Variants in MEGF11 observed in about 807,000 individuals in gnomAD.
MEGF11 encodes multiple epidermal growth factor-like domains protein 11.
A neutral mutation model predicts 146.6 loss-of-function variants in MEGF11; 126 were observed. The observed-to-expected ratio is 0.86, with a 90% CI of 0.74 to 1.00. The LOEUF is 1.00. MEGF11 is among the 50% of genes least tolerant of loss of function. MEGF11 has a pLI of 0.00. For missense variants in MEGF11, 1,509 were observed against 1,521.2 expected (o/e 0.99, Z 0.13); for synonymous variants, 532 against 583.4 (o/e 0.91, Z 1.27).
Position 65,982,217 on chromosome 15 carries a change from C to T in MEGF11, c.641+25G>A. ...GGTCCCGCCCCTCCAGGTCCCGCCCCTCCAGGTCCTGCCGCATGACTCACT... is the reference window on the plus strand; with the variant it reads ...GGTCCCGCCCCTCCAGGTCCCGCCCTTCCAGGTCCTGCCGCATGACTCACT... On this transcript the variant is annotated intron_variant, in intron 6 of 25. Transcript: ENST00000395614. This position sits in a 1 kb window ranked among gnomAD's most constrained non-coding sequence, Gnocchi z 5.6. 2 of 1,538,240 alleles carry T rather than the reference C, an allele frequency of 1.3e-6. No individual in the cohort carries two copies. The highest frequency in any genetic ancestry group is 1.7e-6 in the Non-Finnish European group (2 of 1,144,656).
Position 66,084,680 on chromosome 15 carries a change from T to C in MEGF11, c.394+9722A>G, listed in dbSNP as rs551226656. On this transcript the variant is annotated intron_variant, in intron 5 of 25. Coordinates refer to ENST00000395614, the MANE Select transcript of MEGF11 (RefSeq NM_001385028.1). ...GGTCCCCAGGCAGCCCATTCCTGCC[T>C]GGCACCACAGGGATCCATCAGGAGG... Among the ~76,000 whole-genome samples, 6 of 152,256 alleles carry C rather than the reference T, an allele frequency of 3.9e-5. No individual in the cohort carries two copies. In the South Asian group the frequency reaches 6.2e-4, roughly 16 times the overall value.
In MEGF11 at chr15:66,126,448, CCAGCTCAGTT is replaced by C. The variant is rs367733196; in HGVS notation, c.98+1848_98+1857del. 5.8e-3 allele frequency among the ~76,000 whole-genome samples: 891 copies of C among 152,342 alleles called. 11 individuals are homozygous for C. The highest frequency in any genetic ancestry group is 0.021 in the African/African-American group (859 of 41,574). On this transcript the variant is annotated intron_variant, in intron 2 of 25. Coordinates refer to ENST00000395614, the MANE Select transcript of MEGF11 (RefSeq NM_001385028.1). The stretch of plus-strand genomic sequence containing the variant: ...CTGATAGCCTAAGAAGCCTGAAATG[CCAGCTCAGTT>C]CAGCTCAGTTCAGAATATTTTCACA...
chr15:65,896,769 A>G lies in MEGF11; in HGVS notation c.*1165T>C, dbSNP rs1399607687. On this transcript the variant is annotated 3_prime_UTR_variant, in exon 26 of 26. Coordinates refer to ENST00000395614, the MANE Select transcript of MEGF11 (RefSeq NM_001385028.1). The stretch of plus-strand genomic sequence containing the variant: ...TAGCTCAGTAAGTAGTAGTTTTAAG[A>G]TAGAAGGTGGAAGGACTTCATATCC... The G allele has an allele frequency of 6.6e-6, 1 of 152,166 alleles. No homozygotes were observed. Among genetic ancestry groups the G allele is most frequent in the East Asian group, 1.9e-4 (1 of 5,196 alleles). 9.4% of individuals were successfully genotyped at this position (152,166 alleles called of 1,614,324 possible).
At chr15:66,000,534 G>GAAA (rs58277872) in intron 5 of MEGF11, among the ~76,000 whole-genome samples, 3 of 145,718 alleles carry the variant, frequency 2.1e-5, no homozygotes, top group South Asian at 2.2e-4. Context: ...CTGTCTCTTT[G>GAAA]AAAAAAAAAA....
intron 1 of MEGF11, among the ~76,000 whole-genome samples, chr15:66,161,788 C>A (rs184775750): frequency 3.7e-4 from 56 of 152,260 alleles, no homozygotes; most frequent in Non-Finnish European, 6.8e-4. Context: ...CAGTGAGCAC[C>A]TACTATGTGC....
At chr15:65,931,348 A>G (rs2079568916) in intron 10 of MEGF11, among the ~76,000 whole-genome samples, 1 of 152,140 alleles carries the variant, frequency 6.6e-6, no homozygotes, top group Non-Finnish European at 1.5e-5. Flanking sequence ...CAAGAAAATG[A>G]GGGCCTCAGT....
intron 4 of MEGF11, among the ~76,000 whole-genome samples, chr15:66,107,054 A>ACCCCCCCCCCCCCC (rs35937464): frequency 2.3e-5 from 3 of 132,434 alleles, no homozygotes; most frequent in African/African-American, 8.7e-5. Flanking sequence ...TTATATTCCT[A>ACCCCCCCCCCCCCC]CCCCCCCACC....
chr15:66,173,178 A>G (rs558224706), intron 1 of MEGF11, among the ~76,000 whole-genome samples: 12 of 152,264 alleles, frequency 7.9e-5, no homozygotes, highest in African/African-American at 2.9e-4. Flanking sequence ...GCAACAGTGC[A>G]CCTATTGAAA....
chr15:66,082,870 G>A (rs2085951496), intron 5 of MEGF11, among the ~76,000 whole-genome samples: 1 of 151,954 alleles, frequency 6.6e-6, no homozygotes, highest in Non-Finnish European at 1.5e-5. Context: ...AGTTTTGGCA[G>A]TGGCCCTTCC....
chr15:65,960,468 A>G (rs1596910623), intron 9 of MEGF11, among the ~76,000 whole-genome samples: 1 of 152,226 alleles, frequency 6.6e-6, no homozygotes, highest in African/African-American at 2.4e-5. Context: ...GGTGGCCCTG[A>G]CGCTCTGCTA....
intron 1 of MEGF11, among the ~76,000 whole-genome samples, chr15:66,180,196 G>T (rs890064942): frequency 2.6e-5 from 4 of 152,208 alleles, no homozygotes; most frequent in Non-Finnish European, 5.9e-5. Flanking sequence ...AGCCAGGGCC[G>T]TGCCCTGACC....
At chr15:66,128,257 C>T in intron 2 of MEGF11, 49 bp downstream of exon 2, 1 of 1,287,466 alleles carries the variant, frequency 7.8e-7, no homozygotes, top group Middle Eastern at 2.0e-4. Context: ...CTGCCATGCC[C>T]AGGGCGATCC....
chr15:66,155,657 C>T (rs1023267458), intron 1 of MEGF11, among the ~76,000 whole-genome samples: 1 of 152,186 alleles, frequency 6.6e-6, no homozygotes, highest in Non-Finnish European at 1.5e-5. Flanking sequence ...TGATCTCCCC[C>T]ATAAGCCTGT....
chr15:65,915,980 T>G (rs2141219045), intron 18 of MEGF11, among the ~76,000 whole-genome samples, 168 bp downstream of exon 18: 1 of 152,296 alleles, frequency 6.6e-6, no homozygotes, highest in African/African-American at 2.4e-5. Context: ...CTTCAAACAA[T>G]AATGTAGGCA....
intron 1 of MEGF11, among the ~76,000 whole-genome samples, chr15:66,135,341 A>G (rs2088842109): frequency 6.6e-6 from 1 of 152,238 alleles, no homozygotes; most frequent in Non-Finnish European, 1.5e-5. Context: ...TAACTGTACA[A>G]TTATCAAGGC....
At chr15:65,915,694 C>G (rs1007662865) in intron 18 of MEGF11, 96 bp from the exon 19 acceptor site, 1 of 1,467,082 alleles carries the variant, frequency 6.8e-7, no homozygotes, top group Non-Finnish European at 9.2e-7. Context: ...TGTTTTGCCT[C>G]CCACTGAGTG....
chr15:65,898,236 G>A (rs1472553448), intron 25 of MEGF11, 142 bp from the exon 26 acceptor site: 1 of 1,429,252 alleles, frequency 7.0e-7, no homozygotes, highest in African/African-American at 1.4e-5. Flanking sequence ...TTAGGACTGA[G>A]GCTTGCTCAG....
intron 1 of MEGF11, among the ~76,000 whole-genome samples, chr15:66,208,957 T>C (rs1386313099): frequency 1.3e-5 from 2 of 152,088 alleles, no homozygotes; most frequent in Admixed American, 6.6e-5. Context: ...AATGACCAAA[T>C]GCTGACAAGG....
At chr15:65,987,864 C>A (rs569708061) in intron 5 of MEGF11, among the ~76,000 whole-genome samples, 1 of 151,302 alleles carries the variant, frequency 6.6e-6, no homozygotes, top group South Asian at 2.1e-4. Flanking sequence ...GCATGCGCCA[C>A]CATGCCTGGC....
Sources: gnomAD v4.1 joint callset for allele counts (sites outside exome capture counted in the v4.1 genomes callset) on GRCh38, gnomAD v4.1.1 for gene constraint, Gnocchi (gnomAD v3.1) non-coding constraint, MANE v1.5 for transcripts, NCBI Gene and HGNC (gene_info 2026-07-23, HGNC 2026-07-21) for gene names.